Variants in SULT4A1 observed in about 807,000 individuals in gnomAD.
The protein encoded by SULT4A1 is sulfotransferase 4A1.
Under a neutral mutation model 35.2 loss-of-function variants are expected in SULT4A1, and 11 were observed. The ratio of observed to expected loss-of-function variants is 0.31; its 90% CI spans 0.20 to 0.52. SULT4A1 has a LOEUF of 0.52. Ranked by LOEUF, SULT4A1 falls within the 20% of genes least tolerant of loss-of-function variation. SULT4A1 has a pLI of 0.97. For missense variants in SULT4A1, 271 were observed against 383.7 expected (o/e 0.71, Z 2.45); for synonymous variants, 152 against 151.8 (o/e 1.00, Z -0.01).
At position 43,862,427 on chromosome 22, in the gene SULT4A1, C is replaced by CCG. The variant is rs1318308712; in HGVS notation, c.-47_-46dup. The CCG allele has an allele frequency of 1.1e-6, 1 of 934,180 alleles. No homozygotes were observed. Among genetic ancestry groups the CCG allele is most frequent in the African/African-American group, 2.1e-5 (1 of 47,636 alleles). The allele number at this position is 934,180 out of a possible 1,614,324, so 57.9% of individuals were successfully genotyped here. A position where few individuals can be genotyped will look rare whatever the true frequency, so the allele number is the denominator to read the frequency against. ...CCGCCGCCGCCTCCCGGCTCGCAGC[C>CCG]CGCACGCGCCCGCGCCCGCGCCCGC... On this transcript the variant is annotated 5_prime_UTR_variant, in exon 1 of 7. Transcript: ENST00000330884.
At chr22:43,861,029 A>G (rs1490880747) in intron 1 of SULT4A1, among the ~76,000 whole-genome samples, 1 of 152,170 alleles carries the variant, frequency 6.6e-6, no homozygotes, top group Non-Finnish European at 1.5e-5. Context: ...GGACTTAATG[A>G]GTGGCCACAG....
intron 6 of SULT4A1, chr22:43,827,505 G>A: frequency 7.5e-7 from 1 of 1,333,916 alleles, no homozygotes; most frequent in Non-Finnish European, 1.0e-6. Flanking sequence ...CGTCAGAGGA[G>A]TCACCCACCT....
In SULT4A1 at chr22:43,825,062, T is replaced by A. The variant is rs553366151; in HGVS notation, c.*939A>T. 3.3e-5 allele frequency: 5 copies of A among 152,300 alleles called. No individual in the cohort carries two copies. The highest frequency in any genetic ancestry group is 1.2e-4 in the African/African-American group (5 of 41,554). 9.4% of individuals were successfully genotyped at this position (152,300 alleles called of 1,614,324 possible). On this transcript the variant is annotated 3_prime_UTR_variant, in exon 7 of 7. Transcript: ENST00000330884. ...AATGGTCCTCCCACGGCTGAGCGCCTCAGGTGCACAGAACAAACTGAATGA... is the reference window on the plus strand; with the variant it reads ...AATGGTCCTCCCACGGCTGAGCGCCACAGGTGCACAGAACAAACTGAATGA...
chr22:43,856,259 C>T (rs2049399924), intron 1 of SULT4A1, among the ~76,000 whole-genome samples: 2 of 152,082 alleles, frequency 1.3e-5, no homozygotes, highest in Admixed American at 1.3e-4. Context: ...CCTCCCAGGG[C>T]ACTGGTGAAG....
rs1259117898 is a variant in SULT4A1, at chr22:43,833,670, C to T, written c.573G>A (p.Val191=). ...EFWEHRMDSN[V]LFLKYEDMHR... ...GCATGTCTTCATACTTGAGAAAAAG[C>T]ACGTTCGAGTCCATGCGGTGCTCCC... The change falls in exon 5 of 7, where the codon GTG becomes GTA. Residue 191 remains valine (V), a synonymous_variant. Transcript: ENST00000330884. The T allele has an allele frequency of 1.3e-6, 2 of 1,595,568 alleles. No homozygotes were observed. Among genetic ancestry groups the T allele is most frequent in the Non-Finnish European group, 1.7e-6 (2 of 1,170,960 alleles).
chr22:43,844,480 G>A (rs1196951513), intron 1 of SULT4A1, among the ~76,000 whole-genome samples: 2 of 152,196 alleles, frequency 1.3e-5, no homozygotes, highest in African/African-American at 2.4e-5. Flanking sequence ...CCTCCTGCCT[G>A]GGTCTGGGAA....
intron 2 of SULT4A1, 70 bp from the exon 3 acceptor site, chr22:43,840,095 G>C (rs2063412592): frequency 1.6e-6 from 2 of 1,230,342 alleles, no homozygotes; most frequent in Non-Finnish European, 2.3e-6. Context: ...GGGGCCAAGG[G>C]GAAGGGGGCC....
intron 1 of SULT4A1, among the ~76,000 whole-genome samples, chr22:43,853,565 C>T (rs1417981850): frequency 6.6e-6 from 1 of 152,230 alleles, no homozygotes; most frequent in Non-Finnish European, 1.5e-5. Flanking sequence ...CACAGTCAGG[C>T]CTGACCAGTC....
intron 6 of SULT4A1, among the ~76,000 whole-genome samples, chr22:43,828,064 T>C (rs945064075): frequency 6.6e-6 from 1 of 152,198 alleles, no homozygotes; most frequent in Non-Finnish European, 1.5e-5. Context: ...GCTGAAGGCC[T>C]GACCTATGTT....
intron 1 of SULT4A1, among the ~76,000 whole-genome samples, chr22:43,857,683 A>G (rs532246505): frequency 4.9e-4 from 74 of 152,322 alleles, no homozygotes; most frequent in African/African-American, 1.7e-3. Context: ...AAGAGAAAAC[A>G]TTGAAGGCAG....
chr22:43,858,996 A>C (rs1373918183), intron 1 of SULT4A1, among the ~76,000 whole-genome samples: 1 of 152,132 alleles, frequency 6.6e-6, no homozygotes, highest in African/African-American at 2.4e-5. Flanking sequence ...GACCCTGAGA[A>C]CAGCCACCCT....
At chr22:43,844,077 G>A (rs2063455536) in intron 1 of SULT4A1, among the ~76,000 whole-genome samples, 1 of 152,226 alleles carries the variant, frequency 6.6e-6, no homozygotes. Context: ...GTGCCTGCTT[G>A]CTGGCGGGGA....
intron 2 of SULT4A1, among the ~76,000 whole-genome samples, chr22:43,841,095 G>A (rs943937125): frequency 3.9e-5 from 6 of 152,238 alleles, no homozygotes; most frequent in Admixed American, 6.5e-5. Flanking sequence ...CCTCGGCACG[G>A]CAGTACGGAA....
chr22:43,833,735 CT>C lies in SULT4A1; in HGVS notation c.509-2del. 1 of 1,566,766 alleles carries C rather than the reference CT, an allele frequency of 6.4e-7. No individual in the cohort carries two copies. ...TGCTCAAACCAGGAGCCGTAGCCCA[CT>C]GCGGAGACAGGGGACAGGGTGAGCC... On this transcript the variant is annotated splice_acceptor_variant, in intron 4 of 6. Coordinates refer to ENST00000330884, the MANE Select transcript of SULT4A1 (RefSeq NM_014351.4). LOFTEE classifies it high-confidence loss of function.
intron 1 of SULT4A1, among the ~76,000 whole-genome samples, chr22:43,844,082 C>T (rs988474457): frequency 2.6e-5 from 4 of 152,148 alleles, no homozygotes; most frequent in African/African-American, 4.8e-5. Context: ...TGCTTGCTGG[C>T]GGGGAGAAAT....
intron 2 of SULT4A1, 76 bp from the exon 3 acceptor site, chr22:43,840,101 G>T (rs899728016): frequency 2.5e-5 from 29 of 1,143,118 alleles, no homozygotes; most frequent in Non-Finnish European, 3.5e-5. Flanking sequence ...AAGGGGAAGG[G>T]GGCCAGAGGA....
chr22:43,834,013 C>T (rs1006289855), intron 4 of SULT4A1, among the ~76,000 whole-genome samples: 10 of 152,274 alleles, frequency 6.6e-5, no homozygotes, highest in African/African-American at 2.4e-4. Context: ...CAACAGTGCC[C>T]GTTACTTTAT....
chr22:43,825,908 A>T lies in SULT4A1; in HGVS notation c.*93T>A. The T allele has an allele frequency of 7.9e-7, 1 of 1,267,342 alleles. No homozygotes were observed. The highest frequency in any genetic ancestry group is 1.1e-6 in the Non-Finnish European group (1 of 892,558). 78.5% of individuals were successfully genotyped at this position (1,267,342 alleles called of 1,614,324 possible). ...CCGCTGTTTCACACGCTGCTTCCAG[A>T]GTTTGTCCAGCAAGGAATAAATGAA... On this transcript the variant is annotated 3_prime_UTR_variant, in exon 7 of 7. Coordinates refer to ENST00000330884, the MANE Select transcript of SULT4A1 (RefSeq NM_014351.4).
intron 5 of SULT4A1, among the ~76,000 whole-genome samples, chr22:43,832,557 C>T (rs2063332697): frequency 1.3e-5 from 2 of 152,038 alleles, no homozygotes; most frequent in South Asian, 4.1e-4. Context: ...GCAAGGCACA[C>T]CCCCACACCC....
Sources: gnomAD v4.1 joint callset for allele counts (sites outside exome capture counted in the v4.1 genomes callset) on GRCh38, gnomAD v4.1.1 for gene constraint, MANE v1.5 for transcripts, NCBI Gene and HGNC (gene_info 2026-07-23, HGNC 2026-07-21) for gene names.